Variants in SCFD2 observed in about 807,000 individuals in gnomAD.
The protein encoded by SCFD2 is sec1 family domain containing 2.
A neutral mutation model predicts 58.9 loss-of-function variants in SCFD2; 54 were observed. The ratio of observed to expected loss-of-function variants is 0.92; its 90% CI spans 0.74 to 1.15. The LOEUF (loss-of-function observed/expected upper bound fraction) is 1.15, where lower values mean the gene tolerates loss of function less well. Ranked by LOEUF, SCFD2 falls within the 50% of genes most tolerant of loss-of-function variation. SCFD2 has a pLI of 0.00. For synonymous variants in SCFD2, 321 were observed against 335.9 expected (o/e 0.96, Z 0.49); for missense variants, 805 against 836.6 (o/e 0.96, Z 0.47).
At chr4:53,262,573 T>C (rs963586775) in intron 4 of SCFD2, among the ~76,000 whole-genome samples, 9 of 152,214 alleles carry the variant, frequency 5.9e-5, no homozygotes, top group Admixed American at 2.6e-4. Flanking sequence ...AGGCTAAAAA[T>C]AGGACCCCAA....
intron 5 of SCFD2, among the ~76,000 whole-genome samples, chr4:53,087,143 T>C (rs1217677519): frequency 6.6e-6 from 1 of 152,146 alleles, no homozygotes; most frequent in Non-Finnish European, 1.5e-5. Flanking sequence ...CATAAACATA[T>C]ACACCAACTA....
At chr4:53,219,754 G>A (rs1266449721) in intron 4 of SCFD2, among the ~76,000 whole-genome samples, 2 of 152,156 alleles carry the variant, frequency 1.3e-5, no homozygotes, top group Non-Finnish European at 2.9e-5. Context: ...GACTGGAGCT[G>A]TTCCTATTCG....
intron 4 of SCFD2, among the ~76,000 whole-genome samples, chr4:53,172,684 T>C (rs547101770): frequency 1.3e-5 from 2 of 152,342 alleles, no homozygotes; most frequent in South Asian, 2.1e-4. Context: ...TCTAGTTTTA[T>C]ATCATCATAA....
At chr4:53,280,769 A>C (rs1269758683) in intron 3 of SCFD2, among the ~76,000 whole-genome samples, 2 of 152,216 alleles carry the variant, frequency 1.3e-5, no homozygotes, top group South Asian at 4.1e-4. Context: ...CTAATATAAT[A>C]AAGGCAATGT....
At chr4:53,319,375 C>T (rs1732957645) in intron 2 of SCFD2, among the ~76,000 whole-genome samples, 1 of 152,106 alleles carries the variant, frequency 6.6e-6, no homozygotes, top group Non-Finnish European at 1.5e-5. Flanking sequence ...TCCAAGAAGA[C>T]TTTGATGAAT....
chr4:53,217,781 C>T (rs999437265), intron 4 of SCFD2, among the ~76,000 whole-genome samples: 16 of 152,224 alleles, frequency 1.1e-4, no homozygotes, highest in East Asian at 1.9e-4. Flanking sequence ...TGGCTGGTAA[C>T]GGTTGTTCCT....
chr4:53,354,307 C>T (rs1309039219), intron 1 of SCFD2, among the ~76,000 whole-genome samples: 2 of 152,196 alleles, frequency 1.3e-5, no homozygotes, highest in Non-Finnish European at 2.9e-5. Context: ...CCCAGCGCAC[C>T]CTCTGCAGCT....
intron 4 of SCFD2, among the ~76,000 whole-genome samples, chr4:53,240,103 A>G: frequency 6.6e-6 from 1 of 152,212 alleles, no homozygotes. Context: ...TGTCATACTC[A>G]GGGCCAGTGA....
chr4:52,955,710 C>G (rs1433930760), intron 5 of SCFD2, among the ~76,000 whole-genome samples: 4 of 152,086 alleles, frequency 2.6e-5, no homozygotes, highest in Non-Finnish European at 4.4e-5. Context: ...ATAAAAAGAC[C>G]CCAGCAGCAG....
At chr4:53,335,657 GA>G (rs1197907601) in intron 2 of SCFD2, among the ~76,000 whole-genome samples, 1 of 152,126 alleles carries the variant, frequency 6.6e-6, no homozygotes, top group African/African-American at 2.4e-5. Context: ...TGTTTCAGGT[GA>G]GGGGAAAGTT....
chr4:53,315,727 A>G (rs910841811), intron 2 of SCFD2, among the ~76,000 whole-genome samples: 1 of 152,190 alleles, frequency 6.6e-6, no homozygotes, highest in African/African-American at 2.4e-5. Flanking sequence ...AGTCTCAACA[A>G]TATCTCTCCA....
rs144351369 is a variant in SCFD2, at chr4:53,168,711, A to G, written c.1312-23129T>C. Among the ~76,000 whole-genome samples the G allele has an allele frequency of 1.7e-4, 26 of 152,330 alleles. 1 individual carries two copies. In the East Asian group the frequency reaches 4.6e-3, roughly 27 times the overall value. On this transcript the variant is annotated intron_variant, in intron 4 of 8. Coordinates refer to ENST00000401642, the MANE Select transcript of SCFD2 (RefSeq NM_152540.4). ...TGAAATTATTAAATCAAGTTAGCTA[A>G]CATATTCATGATCTCAAATACTAAT...
chr4:53,288,985 G>T (rs1731754951), intron 3 of SCFD2, among the ~76,000 whole-genome samples: 1 of 152,172 alleles, frequency 6.6e-6, no homozygotes, highest in Non-Finnish European at 1.5e-5. Flanking sequence ...TGCAAATTCT[G>T]ACATCAAAAA....
chr4:52,918,755 C>T (rs1488479628), intron 6 of SCFD2, among the ~76,000 whole-genome samples: 1 of 152,158 alleles, frequency 6.6e-6, no homozygotes, highest in East Asian at 1.9e-4. Flanking sequence ...CCCCTCACTG[C>T]CACCCAATTG....
chr4:52,959,897 AACAC>A (rs10529140), intron 5 of SCFD2, among the ~76,000 whole-genome samples: 51 of 138,200 alleles, frequency 3.7e-4, no homozygotes, highest in Admixed American at 6.8e-4. Flanking sequence ...TCCAAATTGA[AACAC>A]ACACACACAC....
At chr4:52,898,260 G>C (rs1314076283) in intron 7 of SCFD2, among the ~76,000 whole-genome samples, 1 of 152,140 alleles carries the variant, frequency 6.6e-6, no homozygotes, top group Non-Finnish European at 1.5e-5. Context: ...GTCAATTTTA[G>C]ATCTTTCCTG....
chr4:53,319,811 C>T (rs931360960), intron 2 of SCFD2, among the ~76,000 whole-genome samples: 12 of 152,186 alleles, frequency 7.9e-5, no homozygotes. Context: ...GGATTACAGG[C>T]ATGAGCCACT....
intron 4 of SCFD2, among the ~76,000 whole-genome samples, chr4:53,195,007 G>A (rs1728019721): frequency 6.6e-6 from 1 of 152,120 alleles, no homozygotes; most frequent in South Asian, 2.1e-4. Flanking sequence ...AAAACCCCAA[G>A]TGGCTTTAAA....
chr4:53,039,923 C>T (rs1262884707), intron 5 of SCFD2, among the ~76,000 whole-genome samples: 1 of 152,148 alleles, frequency 6.6e-6, no homozygotes, highest in African/African-American at 2.4e-5. Context: ...CTGCTCTGAA[C>T]CTTGTCCAGT....
Sources: gnomAD v4.1 joint callset for allele counts (sites outside exome capture counted in the v4.1 genomes callset) on GRCh38, gnomAD v4.1.1 for gene constraint, MANE v1.5 for transcripts, NCBI Gene and HGNC (gene_info 2026-07-23, HGNC 2026-07-21) for gene names.